The following MYOM3 variants were observed in gnomAD, a reference collection of about 807,000 sequenced individuals.
MYOM3 encodes myomesin-3.
A neutral mutation model predicts 191.7 loss-of-function variants in MYOM3; 155 were observed. The observed-to-expected ratio is 0.81, with a 90% CI of 0.71 to 0.92. The LOEUF is 0.92. MYOM3 is among the 40% of genes least tolerant of loss of function. The probability of loss-of-function intolerance (pLI) is 0.00; values close to 1 mark genes in which losing one functional copy is unlikely to be tolerated. For synonymous variants in MYOM3, 757 were observed against 762.9 expected, an observed-to-expected ratio of 0.99 and a Z score of 0.13; for missense variants, 1,889 against 1,890.6, an observed-to-expected ratio of 1.00 and a Z score of 0.02.
intron 23 of MYOM3, among the ~76,000 whole-genome samples, chr1:24,072,577 C>A (rs1026132385): frequency 6.6e-6 from 1 of 152,098 alleles, no homozygotes; most frequent in African/African-American, 2.4e-5. Flanking sequence ...TCTTGTTGCC[C>A]AGGCTGGAGT....
At chr1:24,075,756 G>A (rs1240271636) in intron 21 of MYOM3, among the ~76,000 whole-genome samples, 1 of 152,088 alleles carries the variant, frequency 6.6e-6, no homozygotes. Context: ...CTTTCCTCAT[G>A]CAATAGTTTA....
intron 29 of MYOM3, among the ~76,000 whole-genome samples, chr1:24,065,482 G>A (rs1643422523): frequency 6.6e-6 from 1 of 152,118 alleles, no homozygotes; most frequent in Non-Finnish European, 1.5e-5. Flanking sequence ...CCGACTCCTA[G>A]ACTGTTGGGG....
At chr1:24,090,706 C>A in intron 12 of MYOM3, 91 bp downstream of exon 12, 2 of 1,310,864 alleles carry the variant, frequency 1.5e-6, no homozygotes, top group Non-Finnish European at 2.2e-6. Context: ...AGACTCGGGG[C>A]TCCTGAGGGC....
chr1:24,080,108 GC>G lies in MYOM3; in HGVS notation c.2493del (p.Pro832LeufsTer30). The G allele has an allele frequency of 6.2e-7, 1 of 1,614,148 alleles. No individual in the cohort carries two copies. The highest frequency in any genetic ancestry group is 8.5e-7 in the Non-Finnish European group (1 of 1,180,008). On this transcript the variant is annotated frameshift_variant, in exon 20 of 37. Transcript: ENST00000374434. LOFTEE classifies it high-confidence loss of function. ...QWEPPLYMGA[G>X]PVTGYHVSFQ... ...AAACTGACGTGATAGCCTGTGACAG[GC>G]CCAGCCCCCATATACAGTGGGGGTT...
intron 35 of MYOM3, among the ~76,000 whole-genome samples, chr1:24,059,693 A>AAAAAACAG (rs1180855293): frequency 6.6e-6 from 1 of 152,212 alleles, no homozygotes; most frequent in Non-Finnish European, 1.5e-5. Context: ...CTTTTGTCTG[A>AAAAAACAG]AAAAACAGAA....
At chr1:24,081,512 A>C in intron 18 of MYOM3, 56 bp from the exon 19 acceptor site, 1 of 1,597,432 alleles carries the variant, frequency 6.3e-7, no homozygotes, top group Non-Finnish European at 8.6e-7. Context: ...GATGGGGAAC[A>C]GAAGCAGTGG....
At chr1:24,078,622 A>T (rs1643630635) in intron 20 of MYOM3, among the ~76,000 whole-genome samples, 1 of 152,234 alleles carries the variant, frequency 6.6e-6, no homozygotes. Flanking sequence ...AGCACCCAGG[A>T]AAATGGGCTG....
At chr1:24,086,542 G>T in intron 15 of MYOM3, 102 bp downstream of exon 15, 2 of 1,193,780 alleles carry the variant, frequency 1.7e-6, no homozygotes, top group Non-Finnish European at 2.3e-6. Context: ...TGGGTAGAAG[G>T]GAGCGGGGAC....
At chr1:24,097,813 C>A in intron 7 of MYOM3, 110 bp downstream of exon 7, 1 of 800,448 alleles carries the variant, frequency 1.2e-6, no homozygotes, top group Admixed American at 1.8e-5. Flanking sequence ...CCAGGCTGAA[C>A]AGCCTTGTGC....
chr1:24,094,046 C>T (rs1643865505), intron 9 of MYOM3, among the ~76,000 whole-genome samples: 1 of 152,162 alleles, frequency 6.6e-6, no homozygotes, highest in Admixed American at 6.5e-5. Flanking sequence ...ACTGTATCTG[C>T]ACCACCACCC....
intron 15 of MYOM3, 139 bp downstream of exon 15, chr1:24,086,503 TGA>T: frequency 1.2e-6 from 1 of 813,774 alleles, no homozygotes; most frequent in African/African-American, 1.7e-5. Context: ...TCCCCAGGCC[TGA>T]GATCAAATTG....
At chr1:24,092,066 G>C in intron 11 of MYOM3, 108 bp downstream of exon 11, 2 of 1,102,066 alleles carry the variant, frequency 1.8e-6, no homozygotes, top group Non-Finnish European at 2.4e-6. Flanking sequence ...AGGAGCGGGG[G>C]TGTGAGGGTT....
At chr1:24,092,674 AG>A in intron 10 of MYOM3, among the ~76,000 whole-genome samples, 1 of 152,246 alleles carries the variant, frequency 6.6e-6, no homozygotes, top group African/African-American at 2.4e-5. Flanking sequence ...ATGTGAACCC[AG>A]GCCCTAAGCA....
At chr1:24,092,851 A>T in intron 10 of MYOM3, 96 bp downstream of exon 10, 1 of 1,240,060 alleles carries the variant, frequency 8.1e-7, no homozygotes, top group Non-Finnish European at 1.1e-6. Flanking sequence ...AGGCCCCAAG[A>T]GAGCAGGGTC....
rs145990751 is a variant in MYOM3, at chr1:24,086,774, T to A, written c.1668A>T (p.Arg556Ser). The change falls in exon 15 of 37, where the codon AGA becomes AGT. Residue 556 changes from arginine to serine, a missense_variant. By Grantham distance (110) the Arg-to-Ser change is moderately radical. Coordinates refer to ENST00000374434, the MANE Select transcript of MYOM3 (RefSeq NM_152372.4). Reference sequence around the variant, plus strand: ...GGTCCAGAACGGCGAATCTCGGGGATCTCACAGGGCTTTCCGAGCTGATGG... The same window carrying A: ...GGTCCAGAACGGCGAATCTCGGGGAACTCACAGGGCTTTCCGAGCTGATGG... ...WEAISSESPV[R>S]SPRFAVLDLE... The A allele has an allele frequency of 6.2e-7, 1 of 1,614,160 alleles. No individual in the cohort carries two copies. The highest frequency in any genetic ancestry group is 1.3e-5 in the African/African-American group (1 of 75,040).
intron 10 of MYOM3, 139 bp from the exon 11 acceptor site, chr1:24,092,454 T>G (rs1643850836): frequency 1.6e-6 from 1 of 636,860 alleles, no homozygotes; most frequent in Non-Finnish European, 2.3e-6. Context: ...GGCCTGAATA[T>G]TAGTCCCACT....
chr1:24,094,524 G>A (rs80186196), intron 9 of MYOM3, among the ~76,000 whole-genome samples: 1,740 of 152,132 alleles, frequency 0.011, 34 homozygotes, highest in African/African-American at 0.04. Context: ...CAGGTGCCTG[G>A]TCAGTGCCAG....
At chr1:24,096,424 G>T (rs2148558132) in intron 7 of MYOM3, among the ~76,000 whole-genome samples, 1 of 152,334 alleles carries the variant, frequency 6.6e-6, no homozygotes, top group South Asian at 2.1e-4. Context: ...GAGGGACAGG[G>T]ATCTGGAAGG....
intron 28 of MYOM3, chr1:24,066,582 C>A (rs536565730): frequency 1.9e-5 from 7 of 366,302 alleles, no homozygotes; most frequent in African/African-American, 1.4e-4. Context: ...TACCGTGTGG[C>A]CTTGAGCTAT....
Sources: allele counts gnomAD v4.1 joint callset (sites outside exome capture counted in the v4.1 genomes callset), GRCh38; gene constraint gnomAD v4.1.1; transcripts MANE v1.5; gene names NCBI Gene and HGNC (gene_info 2026-07-23, HGNC 2026-07-21).